Variants in ADGRL2 observed in about 807,000 individuals in gnomAD.
The protein encoded by ADGRL2 is adhesion G protein-coupled receptor L2, also known as calcium-independent alpha-latrotoxin receptor 2.
Under a neutral mutation model 157.4 loss-of-function variants are expected in ADGRL2, and 44 were observed. That is an observed-to-expected ratio of 0.28 (90% CI 0.22 to 0.36). ADGRL2 has a LOEUF of 0.36. Among genes scored for constraint, ADGRL2 ranks in the 10% least tolerant of loss-of-function variants. ADGRL2 has a pLI of 1.00. For synonymous variants in ADGRL2, 585 were observed against 624.7 expected, an observed-to-expected ratio of 0.94 and a Z score of 0.95; for missense variants, 1,510 against 1,768.9, an observed-to-expected ratio of 0.85 and a Z score of 2.63.
intron 2 of ADGRL2, among the ~76,000 whole-genome samples, chr1:81,889,240 C>T (rs934131694): frequency 3.3e-5 from 5 of 152,152 alleles, no homozygotes; most frequent in Non-Finnish European, 7.3e-5. Context: ...TTAGACAGAA[C>T]GAAATCTCGG....
intron 2 of ADGRL2, among the ~76,000 whole-genome samples, chr1:81,903,030 A>T (rs1380075567): frequency 1.3e-5 from 2 of 152,218 alleles, no homozygotes; most frequent in Non-Finnish European, 2.9e-5. Flanking sequence ...TGTGTACTTG[A>T]TTAAAAGGAG....
chr1:81,330,170 CTCA>C (rs1293704168), intron 1 of ADGRL2, among the ~76,000 whole-genome samples: 9 of 152,180 alleles, frequency 5.9e-5, no homozygotes, highest in Middle Eastern at 3.4e-3. Context: ...TGGTTAGCAT[CTCA>C]TCATCATGAT....
Position 81,352,802 on chromosome 1 carries a change from C to T in ADGRL2, c.-302+46293C>T, listed in dbSNP as rs151254400. ...CAATCAGGTAGAGTTAAAGCAGTAG[C>T]AATGGAATCAAAGGGAAAAGAGTGT... On this transcript the variant is annotated intron_variant, in intron 1 of 24. Coordinates refer to the ADGRL2 transcript ENST00000370721. Among the ~76,000 whole-genome samples, 275 of 152,080 alleles carry T rather than the reference C, an allele frequency of 1.8e-3. 5 individuals are homozygous for T. The highest frequency in any genetic ancestry group is 3.7e-3 in the East Asian group (19 of 5,166).
At chr1:81,927,018 T>A (rs2095122923) in intron 3 of ADGRL2, among the ~76,000 whole-genome samples, 1 of 152,076 alleles carries the variant, frequency 6.6e-6, no homozygotes, top group Non-Finnish European at 1.5e-5. Flanking sequence ...GTGGTATTTT[T>A]AAGGAAATTT....
chr1:81,354,426 G>T (rs1163944910), intron 1 of ADGRL2, among the ~76,000 whole-genome samples: 1 of 152,078 alleles, frequency 6.6e-6, no homozygotes, highest in African/African-American at 2.4e-5. Flanking sequence ...GTGTTTTCTT[G>T]TACCTAATAC....
intron 3 of ADGRL2, among the ~76,000 whole-genome samples, chr1:81,654,958 T>C (rs2082497859): frequency 6.6e-6 from 1 of 150,852 alleles, no homozygotes; most frequent in African/African-American, 2.4e-5. Flanking sequence ...TTTTGCTTTG[T>C]TTTGTTTTGT....
intron 1 of ADGRL2, among the ~76,000 whole-genome samples, chr1:81,817,912 C>G (rs913771576): frequency 6.6e-6 from 1 of 151,972 alleles, no homozygotes; most frequent in Non-Finnish European, 1.5e-5. Flanking sequence ...TGCTTATAAT[C>G]CCAGCGCCAT....
intron 3 of ADGRL2, among the ~76,000 whole-genome samples, chr1:81,628,248 G>T (rs1332500124): frequency 6.6e-6 from 1 of 152,172 alleles, no homozygotes; most frequent in Non-Finnish European, 1.5e-5. Context: ...AGGGCAACTT[G>T]AAAAGTGGAG....
At chr1:81,513,085 T>C (rs1230404139) in intron 2 of ADGRL2, among the ~76,000 whole-genome samples, 1 of 152,206 alleles carries the variant, frequency 6.6e-6, no homozygotes, top group African/African-American at 2.4e-5. Context: ...AAAATTAAGA[T>C]ATCCATCTTC....
In ADGRL2 at chr1:81,807,729, T is replaced by A. The variant is rs556262934; in HGVS notation, c.-101+6661T>A. 3.9e-5 allele frequency among the ~76,000 whole-genome samples: 6 copies of A among 151,982 alleles called. No individual in the cohort carries two copies. In the South Asian group the frequency reaches 1.0e-3, roughly 26 times the overall value. On this transcript the variant is annotated intron_variant, in intron 1 of 23. Coordinates refer to ENST00000686636, the MANE Select transcript of ADGRL2 (RefSeq NM_001366006.2). ...TATTTTGAGTGTAGTATATAGGTTT[T>A]GTTAAGCATGTTAAGTATAGAAATT...
intron 1 of ADGRL2, among the ~76,000 whole-genome samples, chr1:81,817,209 A>G (rs1435411424): frequency 6.6e-6 from 1 of 151,956 alleles, no homozygotes; most frequent in Non-Finnish European, 1.5e-5. Flanking sequence ...TTAAGTGTCA[A>G]ATTCCTAGTT....
At chr1:81,358,780 TA>T (rs1302969257) in intron 1 of ADGRL2, among the ~76,000 whole-genome samples, 1 of 152,134 alleles carries the variant, frequency 6.6e-6, no homozygotes, top group African/African-American at 2.4e-5. Flanking sequence ...ACAGATGAGT[TA>T]TAATAGGAAA....
intron 1 of ADGRL2, among the ~76,000 whole-genome samples, chr1:81,745,439 A>T (rs2085213279): frequency 6.6e-6 from 1 of 152,170 alleles, no homozygotes; most frequent in Admixed American, 6.5e-5. Context: ...AGTGGGTATT[A>T]GGTTGAAACA....
At chr1:81,615,523 C>G (rs1444788601) in intron 3 of ADGRL2, among the ~76,000 whole-genome samples, 4 of 152,168 alleles carry the variant, frequency 2.6e-5, no homozygotes, top group Admixed American at 2.0e-4. Context: ...GAAGAAACTC[C>G]AGACACATCT....
chr1:81,819,481 A>T (rs1457123712), intron 1 of ADGRL2, among the ~76,000 whole-genome samples: 2 of 151,952 alleles, frequency 1.3e-5, no homozygotes, highest in Non-Finnish European at 2.9e-5. Context: ...TGGTATTTGT[A>T]AAAAAAATAT....
chr1:81,685,496 C>T (rs1335489649), intron 3 of ADGRL2, among the ~76,000 whole-genome samples: 1 of 152,080 alleles, frequency 6.6e-6, no homozygotes, highest in Admixed American at 6.5e-5. Context: ...TATCTGGAGA[C>T]TTTGCTGAAT....
Position 81,685,377 on chromosome 1 carries a change from A to AT in ADGRL2, c.-142-76422dup, listed in dbSNP as rs35249825. Among the ~76,000 whole-genome samples, 1,265 of 146,386 alleles carry AT rather than the reference A, an allele frequency of 8.6e-3. 14 individuals are homozygous for AT. The highest frequency in any genetic ancestry group is 0.026 in the African/African-American group (1,046 of 40,172). ...TCCTTTGTTAGGTATATTGCTAAGT[A>AT]TTTTTTTTTTTTACAGCTATTTTAA... is the stretch of plus-strand genomic sequence containing the variant. On this transcript the variant is annotated intron_variant, in intron 3 of 24. Transcript: ENST00000370721.
intron 1 of ADGRL2, among the ~76,000 whole-genome samples, chr1:81,717,680 CT>C (rs1195174588): frequency 6.6e-6 from 1 of 152,198 alleles, no homozygotes; most frequent in African/African-American, 2.4e-5. Context: ...CTTGGGTTTC[CT>C]TTACTCCATG....
chr1:81,696,556 T>A (rs1166065061), upstream of ADGRL2, among the ~76,000 whole-genome samples: 4 of 151,918 alleles, frequency 2.6e-5, no homozygotes, highest in Non-Finnish European at 5.9e-5. Context: ...ATAGAGATCA[T>A]CCTGGCTAAC....
Sources: gnomAD v4.1 joint callset for allele counts (sites outside exome capture counted in the v4.1 genomes callset) on GRCh38, gnomAD v4.1.1 for gene constraint, MANE v1.5 for transcripts, NCBI Gene and HGNC (gene_info 2026-07-23, HGNC 2026-07-21) for gene names.